The following DMD variants were observed in gnomAD, a reference collection of about 807,000 sequenced individuals.
DMD encodes mutant dystrophin.
In DMD, 63 loss-of-function variants were observed where a neutral mutation model predicts 330.1. The ratio of observed to expected loss-of-function variants is 0.19; its 90% CI spans 0.16 to 0.24. The LOEUF is 0.24. Ranked by LOEUF, DMD falls within the 10% of genes least tolerant of loss-of-function variation. The pLI is 1.00. For synonymous variants in DMD, 1,223 were observed against 959.8 expected, an observed-to-expected ratio of 1.27 and a Z score of -5.07; for missense variants, 3,344 against 2,684.1, an observed-to-expected ratio of 1.25 and a Z score of -5.43.
In DMD at chrX:31,191,063, A is replaced by G. The variant is rs551708755; in HGVS notation, c.9808-8159T>C. Among the ~76,000 whole-genome samples the G allele has an allele frequency of 1.3e-4, 15 of 112,133 alleles. No homozygotes were observed. The South Asian group carries it at 5.3e-3, about 39-fold the overall frequency. On this transcript the variant is annotated intron_variant, in intron 67 of 78. Coordinates refer to ENST00000357033, the MANE Select transcript of DMD (RefSeq NM_004006.3). Reference sequence around the variant, plus strand: ...AAATTGTAGACTCAGATTTGAAATCAAGTTGCTTCTCAAACTGACAACTCT... The same window carrying G: ...AAATTGTAGACTCAGATTTGAAATCGAGTTGCTTCTCAAACTGACAACTCT...
intron 9 of DMD, among the ~76,000 whole-genome samples, chrX:32,655,891 T>A (rs1408641166): frequency 9.0e-6 from 1 of 111,649 alleles, no homozygotes; most frequent in East Asian, 2.8e-4. Flanking sequence ...TACCATTATG[T>A]AATGGCCTTC....
At chrX:32,286,446 A>C (rs2097441751) in intron 43 of DMD, among the ~76,000 whole-genome samples, 1 of 111,952 alleles carries the variant, frequency 8.9e-6, no homozygotes, top group Non-Finnish European at 1.9e-5. Flanking sequence ...ACACTTGGGC[A>C]TCTGCAAATT....
intron 61 of DMD, among the ~76,000 whole-genome samples, chrX:31,325,966 T>C (rs944614076): frequency 9.4e-6 from 1 of 106,916 alleles, no homozygotes; most frequent in African/African-American, 3.4e-5. Flanking sequence ...TTTTTTTTTA[T>C]CATTCTAGTG....
chrX:31,229,005 T>G (rs866615054), intron 63 of DMD, among the ~76,000 whole-genome samples: 1 of 112,437 alleles, frequency 8.9e-6, no homozygotes, highest in Middle Eastern at 4.6e-3. Context: ...TCATCTTTTA[T>G]TTTGAAACAT....
intron 52 of DMD, among the ~76,000 whole-genome samples, chrX:31,729,039 T>A (rs777291278): frequency 2.2e-4 from 25 of 111,533 alleles, no homozygotes; most frequent in Non-Finnish European, 3.6e-4. Context: ...CGAATCACTC[T>A]CCCCATTAAA....
chrX:32,665,585 T>C (rs934013942), intron 9 of DMD, among the ~76,000 whole-genome samples: 5 of 111,876 alleles, frequency 4.5e-5, no homozygotes, highest in African/African-American at 1.6e-4. Context: ...TCACAATGGA[T>C]ATAAAGAATA....
chrX:33,313,520 T>G (rs749656915), intron 1 of DMD, among the ~76,000 whole-genome samples: 1 of 111,533 alleles, frequency 9.0e-6, no homozygotes, highest in Admixed American at 9.6e-5. Flanking sequence ...CAAAAGATTT[T>G]TTTACATGCT....
chrX:32,522,460 T>C (rs1044127280), intron 17 of DMD, among the ~76,000 whole-genome samples: 4 of 112,363 alleles, frequency 3.6e-5, no homozygotes, highest in Non-Finnish European at 7.5e-5. Context: ...GTACTTGGGA[T>C]ATCCATAATC....
At chrX:31,416,852 C>T (rs748321401) in intron 60 of DMD, among the ~76,000 whole-genome samples, 12 of 111,952 alleles carry the variant, frequency 1.1e-4, no homozygotes, top group Non-Finnish European at 1.7e-4. Context: ...ATAAAATGAG[C>T]GGTAAGTAAA....
intron 1 of DMD, among the ~76,000 whole-genome samples, chrX:33,293,920 G>T (rs2053549344): frequency 9.0e-6 from 1 of 111,575 alleles, no homozygotes; most frequent in Non-Finnish European, 1.9e-5. Flanking sequence ...CCTCATTTAT[G>T]AGAGGAAGGA....
At chrX:32,444,156 C>T (rs774634198) in intron 27 of DMD, among the ~76,000 whole-genome samples, 6 of 110,361 alleles carry the variant, frequency 5.4e-5, no homozygotes, top group Admixed American at 3.9e-4. Flanking sequence ...AAGCAGTGTG[C>T]CATCCACCCT....
intron 44 of DMD, among the ~76,000 whole-genome samples, chrX:32,100,591 G>A (rs749370813): frequency 1.3e-4 from 14 of 110,816 alleles, no homozygotes; most frequent in African/African-American, 4.6e-4. Context: ...ACATAGCATG[G>A]TATATATCTC....
rs1326434672 is a variant in DMD, at chrX:33,238,918, T to C, written c.7+100341A>G. Among the ~76,000 whole-genome samples the C allele has an allele frequency of 2.7e-5, 3 of 110,828 alleles. No homozygotes were observed. In the East Asian group the frequency reaches 8.5e-4, roughly 31 times the overall value. ...TTTGCCTGCATGCACCCTTGCTACT[T>C]ACCAATTAACAGCATCGCCGTTATA... On this transcript the variant is annotated intron_variant, in intron 1 of 17. Coordinates refer to the DMD transcript ENST00000288447.
In DMD at chrX:31,721,383, G is replaced by A. The variant is rs1226763932; in HGVS notation, c.7660+8248C>T. Among the ~76,000 whole-genome samples the A allele has an allele frequency of 2.5e-4, 28 of 110,193 alleles. No individual in the cohort carries two copies. The Admixed American group carries it at 2.7e-3, about 11-fold the overall frequency. On this transcript the variant is annotated intron_variant, in intron 52 of 78. Coordinates refer to ENST00000357033, the MANE Select transcript of DMD (RefSeq NM_004006.3). The stretch of plus-strand genomic sequence containing the variant: ...AAGCAGATTACCCTCCACAATGTGG[G>A]TGGGCCTTCTCCAATCAATTTTGAA...
intron 7 of DMD, among the ~76,000 whole-genome samples, chrX:32,756,833 C>G (rs2748315): frequency 0.32 from 35,748 of 110,557 alleles, 4,547 homozygotes; most frequent in South Asian, 0.46. Context: ...CCCAACTTTA[C>G]AGTTAGAATT....
chrX:33,040,960 T>A (rs2094289555), intron 1 of DMD, among the ~76,000 whole-genome samples: 1 of 112,094 alleles, frequency 8.9e-6, no homozygotes, highest in South Asian at 3.7e-4. Context: ...ATCTAGATAC[T>A]AAAGAAAACA....
At chrX:32,380,453 A>G (rs967136721) in intron 34 of DMD, 57 bp downstream of exon 34, 17 of 1,074,385 alleles carry the variant, frequency 1.6e-5, no homozygotes, top group South Asian at 7.5e-5. Context: ...TCCTTACAAA[A>G]TCATATTATG....
At chrX:32,980,424 G>C (rs1314873583) in intron 2 of DMD, among the ~76,000 whole-genome samples, 1 of 98,638 alleles carries the variant, frequency 1.0e-5, no homozygotes, top group Non-Finnish European at 2.0e-5. Context: ...GTATTAGGAA[G>C]AATATATAAA....
intron 7 of DMD, among the ~76,000 whole-genome samples, chrX:32,732,193 G>A (rs772038706): frequency 4.8e-4 from 53 of 110,998 alleles, no homozygotes; most frequent in South Asian, 7.8e-4. Flanking sequence ...GAAATGAACC[G>A]AGAAGGGAAG....
Sources: gnomAD v4.1 joint callset for allele counts (sites outside exome capture counted in the v4.1 genomes callset) on GRCh38, gnomAD v4.1.1 for gene constraint, MANE v1.5 for transcripts, NCBI Gene and HGNC (gene_info 2026-07-23, HGNC 2026-07-21) for gene names.